Variants in COLEC12 observed in about 807,000 individuals in gnomAD.
COLEC12 encodes collectin-12.
In COLEC12, 33 loss-of-function variants were observed where a neutral mutation model predicts 71.1. The observed-to-expected ratio is 0.46, with a 90% CI of 0.35 to 0.62. The LOEUF is 0.62. Among genes scored for constraint, COLEC12 ranks in the 20% least tolerant of loss-of-function variants. The pLI, the probability that COLEC12 is intolerant of heterozygous loss-of-function variation, is 0.00. For synonymous variants in COLEC12, 350 were observed against 353.0 expected, an observed-to-expected ratio of 0.99 and a Z score of 0.10; for missense variants, 765 against 916.1, an observed-to-expected ratio of 0.84 and a Z score of 2.13.
chr18:362,017 T>C lies in COLEC12; in HGVS notation c.59-4495A>G, dbSNP rs781244777. ...GCAGAGGTCAAGCGTCATTGTGTCA[T>C]TGATGGGAAAAGAGAGGCCCAGAGA... On this transcript the variant is annotated intron_variant, in intron 2 of 9. Coordinates refer to ENST00000400256, the MANE Select transcript of COLEC12 (RefSeq NM_130386.3). This position sits in a 1 kb window ranked among gnomAD's most constrained non-coding sequence, Gnocchi z 4.6. 6.6e-6 allele frequency among the ~76,000 whole-genome samples: 1 copy of C among 152,168 alleles called. No homozygotes were observed. Among genetic ancestry groups the C allele is most frequent in the Non-Finnish European group, 1.5e-5 (1 of 68,034 alleles).
At chr18:339,888 T>C (rs932255674) in intron 5 of COLEC12, among the ~76,000 whole-genome samples, 11 of 152,070 alleles carry the variant, frequency 7.2e-5, no homozygotes, top group African/African-American at 2.7e-4. Flanking sequence ...TGGCTCCTCA[T>C]AAAAAAGTAG....
At chr18:473,238 C>T (rs555313892) in intron 2 of COLEC12, among the ~76,000 whole-genome samples, 3 of 152,032 alleles carry the variant, frequency 2.0e-5, no homozygotes, top group African/African-American at 7.2e-5. Flanking sequence ...CCAGGGAGAA[C>T]GTGAGAGAGA....
intron 5 of COLEC12, among the ~76,000 whole-genome samples, chr18:342,755 T>C (rs556487177): frequency 6.6e-6 from 1 of 152,318 alleles, no homozygotes; most frequent in African/African-American, 2.4e-5. Context: ...AGGGAGCAGC[T>C]TGGTTGGCTT....
chr18:425,418 C>G (rs951499439), intron 2 of COLEC12, among the ~76,000 whole-genome samples: 2 of 152,160 alleles, frequency 1.3e-5, no homozygotes, highest in Non-Finnish European at 2.9e-5. Flanking sequence ...TCCAAACCCT[C>G]CTATCCCTTC....
At chr18:349,652 G>T (rs527392556) in intron 3 of COLEC12, among the ~76,000 whole-genome samples, 2 of 152,340 alleles carry the variant, frequency 1.3e-5, no homozygotes, top group Admixed American at 1.3e-4. Flanking sequence ...CACCAGCCAT[G>T]AAAGCAGCAG....
chr18:426,294 G>GT (rs11388913), intron 2 of COLEC12, among the ~76,000 whole-genome samples: 54,395 of 152,056 alleles, frequency 0.36, 10,646 homozygotes, highest in South Asian at 0.59. Flanking sequence ...TGATTAATGG[G>GT]TGTTGTCAAT....
In COLEC12 at chr18:319,357, T is replaced by TATATATATATATAG. The variant is rs1913640562; in HGVS notation, c.*687_*688insCTATATATATATAT. 1 of 137,426 alleles carries TATATATATATATAG rather than the reference T, an allele frequency of 7.3e-6. No individual in the cohort carries two copies. The highest frequency in any genetic ancestry group is 1.6e-5 in the Non-Finnish European group (1 of 63,234). 8.5% of individuals were successfully genotyped at this position (137,426 alleles called of 1,614,324 possible). On this transcript the variant is annotated 3_prime_UTR_variant, in exon 10 of 10. Transcript: ENST00000400256. ...AAAAAAAAAAATATATATATATATATATATATACACATGTATATTTAATTA... is the reference window on the plus strand; with the variant it reads ...AAAAAAAAAAATATATATATATATATATATATATATATAGATATATACACATGTATATTTAATTA...
intron 2 of COLEC12, among the ~76,000 whole-genome samples, chr18:466,735 T>C (rs1434142749): frequency 6.6e-6 from 1 of 152,178 alleles, no homozygotes; most frequent in African/African-American, 2.4e-5. Context: ...CTCATTCAAC[T>C]TACAATATAA....
At chr18:375,214 ACT>A in intron 2 of COLEC12, among the ~76,000 whole-genome samples, 1 of 152,028 alleles carries the variant, frequency 6.6e-6, no homozygotes. Flanking sequence ...GAGGCCCTAC[ACT>A]GTCTGCCTCC....
intron 8 of COLEC12, among the ~76,000 whole-genome samples, chr18:324,343 G>A (rs897760744): frequency 6.6e-6 from 1 of 152,156 alleles, no homozygotes; most frequent in Non-Finnish European, 1.5e-5. Context: ...CTGAAGTCTG[G>A]GGCTCAAAGC....
At chr18:444,042 C>A (rs899241208) in intron 2 of COLEC12, among the ~76,000 whole-genome samples, 2 of 152,102 alleles carry the variant, frequency 1.3e-5, no homozygotes, top group Non-Finnish European at 2.9e-5. Flanking sequence ...CCTGTACAGC[C>A]GGTACAACCA....
chr18:383,912 C>A lies in COLEC12; in HGVS notation c.59-26390G>T, dbSNP rs150368620. ...AAGTCACATCTTACATGGTGGCAGG[C>A]AAAGAGAGAATGAGAACCAAGCAAA... On this transcript the variant is annotated intron_variant, in intron 2 of 9. Transcript: ENST00000400256. 1.7e-3 allele frequency among the ~76,000 whole-genome samples: 265 copies of A among 152,224 alleles called. 1 individual carries two copies. The highest frequency in any genetic ancestry group is 5.9e-3 in the African/African-American group (246 of 41,522).
chr18:374,122 C>T (rs1915062401), intron 2 of COLEC12, among the ~76,000 whole-genome samples: 1 of 152,162 alleles, frequency 6.6e-6, no homozygotes, highest in African/African-American at 2.4e-5. Context: ...AATAAATGAT[C>T]TAATACAGAG....
intron 2 of COLEC12, among the ~76,000 whole-genome samples, chr18:409,703 G>A (rs72861859): frequency 0.052 from 7,930 of 152,192 alleles, 367 homozygotes; most frequent in African/African-American, 0.12. Context: ...TTGTGAAATT[G>A]TTCACTTTGA....
At position 376,437 on chromosome 18, in the gene COLEC12, A is replaced by T. The variant is rs189910636; in HGVS notation, c.59-18915T>A. ...AAGAGGTAGAGCAGAGGAGTTTATT[A>T]TAACAGCTGCTTTCATACCTCAAAC... On this transcript the variant is annotated intron_variant, in intron 2 of 9. Transcript: ENST00000400256. 3.9e-5 allele frequency among the ~76,000 whole-genome samples: 6 copies of T among 152,358 alleles called. No individual in the cohort carries two copies. The South Asian group carries it at 1.2e-3, about 32-fold the overall frequency.
Position 350,022 on chromosome 18 carries a change from C to T in COLEC12, c.182-1859G>A, listed in dbSNP as rs550763618. 1.2e-3 allele frequency among the ~76,000 whole-genome samples: 178 copies of T among 152,266 alleles called. 2 individuals are homozygous for T. The highest frequency in any genetic ancestry group is 4.0e-3 in the African/African-American group (166 of 41,538). ...GGGTTAATGCTGAAATGAGTTAAAA[C>T]TTTGTGGGACTGTTGGGAAGGCATG... On this transcript the variant is annotated intron_variant, in intron 3 of 9. Coordinates refer to ENST00000400256, the MANE Select transcript of COLEC12 (RefSeq NM_130386.3).
At chr18:467,611 A>T (rs954086577) in intron 2 of COLEC12, among the ~76,000 whole-genome samples, 3 of 152,234 alleles carry the variant, frequency 2.0e-5, no homozygotes, top group Non-Finnish European at 2.9e-5. Context: ...TAATGGAAAC[A>T]TTATGCTTTC....
chr18:424,275 C>T (rs1015280802), intron 2 of COLEC12: 3 of 152,186 alleles, frequency 2.0e-5, no homozygotes, highest in African/African-American at 7.2e-5. Flanking sequence ...GTGGGACTTA[C>T]GTAAGCTGCG....
chr18:427,869 C>T (rs182405659), intron 2 of COLEC12, among the ~76,000 whole-genome samples: 24 of 152,304 alleles, frequency 1.6e-4, no homozygotes, highest in African/African-American at 5.5e-4. Context: ...TTCTCTTTCT[C>T]TTTCAATGTT....
Sources: gnomAD v4.1 joint callset for allele counts (sites outside exome capture counted in the v4.1 genomes callset) on GRCh38, gnomAD v4.1.1 for gene constraint, Gnocchi (gnomAD v3.1) non-coding constraint, MANE v1.5 for transcripts, NCBI Gene and HGNC (gene_info 2026-07-23, HGNC 2026-07-21) for gene names.